Variants in KCNIP4 observed in about 807,000 individuals in gnomAD.
The protein encoded by KCNIP4 is Kv channel-interacting protein 4.
A neutral mutation model predicts 34.0 loss-of-function variants in KCNIP4; 12 were observed. The observed-to-expected ratio is 0.35, with a 90% confidence interval of 0.23 to 0.57. The LOEUF is 0.57. KCNIP4 is among the 20% of genes least tolerant of loss of function. KCNIP4 has a pLI of 0.83. For missense variants in KCNIP4, 238 were observed against 311.7 expected (o/e 0.76, Z 1.78); for synonymous variants, 124 against 102.2 (o/e 1.21, Z -1.29).
intron 1 of KCNIP4, among the ~76,000 whole-genome samples, chr4:20,996,670 T>C (rs888408438): frequency 2.0e-5 from 3 of 152,202 alleles, no homozygotes; most frequent in Non-Finnish European, 4.4e-5. Flanking sequence ...TCAGAAGGAT[T>C]CTGTGTTTTT....
At chr4:21,329,563 A>C (rs1715417027) in intron 1 of KCNIP4, among the ~76,000 whole-genome samples, 1 of 152,140 alleles carries the variant, frequency 6.6e-6, no homozygotes, top group African/African-American at 2.4e-5. Context: ...CAGTTCCAAA[A>C]CATCATCAGC....
intron 1 of KCNIP4, among the ~76,000 whole-genome samples, chr4:21,767,100 G>C (rs1718468977): frequency 6.6e-6 from 1 of 152,120 alleles, no homozygotes; most frequent in African/African-American, 2.4e-5. Context: ...GAAGAGGTGA[G>C]GAAGAGAACT....
chr4:21,318,451 C>T (rs1714021861), intron 1 of KCNIP4, among the ~76,000 whole-genome samples: 1 of 152,120 alleles, frequency 6.6e-6, no homozygotes. Context: ...GAAAAGGTAT[C>T]ATAGATTCAC....
At chr4:21,019,971 T>G (rs942703258) in intron 1 of KCNIP4, among the ~76,000 whole-genome samples, 5 of 152,154 alleles carry the variant, frequency 3.3e-5, no homozygotes, top group African/African-American at 1.2e-4. Flanking sequence ...GTTCAGAAAT[T>G]GATAGTTAAG....
intron 1 of KCNIP4, among the ~76,000 whole-genome samples, chr4:21,599,461 G>GA (rs1742921200): frequency 1.3e-5 from 1 of 79,044 alleles, no homozygotes; most frequent in Non-Finnish European, 2.4e-5. Context: ...AAATAAGAAA[G>GA]AAAAAAATGA....
At chr4:20,801,600 C>G (rs980153757) in intron 3 of KCNIP4, among the ~76,000 whole-genome samples, 2 of 152,004 alleles carry the variant, frequency 1.3e-5, no homozygotes, top group Admixed American at 1.3e-4. Context: ...AGAAGTTAAG[C>G]TGTTATCAGC....
At chr4:21,168,155 T>C (rs923915726) in intron 1 of KCNIP4, among the ~76,000 whole-genome samples, 3 of 152,206 alleles carry the variant, frequency 2.0e-5, no homozygotes, top group Admixed American at 6.5e-5. Flanking sequence ...AAAGAACAAC[T>C]GGAGAGAAAG....
chr4:21,765,664 T>C (rs1297188609), intron 1 of KCNIP4, among the ~76,000 whole-genome samples: 2 of 150,954 alleles, frequency 1.3e-5, no homozygotes, highest in East Asian at 3.9e-4. Context: ...ATGGGTCTTG[T>C]TTTATTGCTC....
At chr4:21,149,193 T>G (rs1281400807) in intron 1 of KCNIP4, among the ~76,000 whole-genome samples, 3 of 152,220 alleles carry the variant, frequency 2.0e-5, no homozygotes, top group African/African-American at 4.8e-5. Context: ...TTTATAGTTT[T>G]GGGATAAACA....
intron 3 of KCNIP4, among the ~76,000 whole-genome samples, chr4:20,804,623 C>A (rs1714826960): frequency 1.3e-5 from 2 of 152,014 alleles, no homozygotes; most frequent in African/African-American, 2.4e-5. Context: ...ACATTTCTTG[C>A]CCTTAAGAAA....
intron 1 of KCNIP4, among the ~76,000 whole-genome samples, chr4:21,818,579 G>T (rs12513218): frequency 0.38 from 58,078 of 152,042 alleles, 12,650 homozygotes; most frequent in Non-Finnish European, 0.51. Context: ...AGTCACCCTA[G>T]CCAGATTTTA....
intron 1 of KCNIP4, among the ~76,000 whole-genome samples, chr4:21,642,798 C>T (rs1366744075): frequency 2.0e-5 from 3 of 152,094 alleles, no homozygotes; most frequent in African/African-American, 7.2e-5. Flanking sequence ...ATAATTGATA[C>T]TGACTACCAA....
intron 1 of KCNIP4, among the ~76,000 whole-genome samples, chr4:21,618,581 ACT>A (rs1391289590): frequency 4.2e-5 from 4 of 95,062 alleles, no homozygotes; most frequent in Non-Finnish European, 4.6e-5. Flanking sequence ...TCTCTCTCTC[ACT>A]CTCTGTTTGT....
chr4:21,516,138 C>A (rs1184198812), intron 1 of KCNIP4, among the ~76,000 whole-genome samples: 2 of 152,150 alleles, frequency 1.3e-5, no homozygotes, highest in Non-Finnish European at 2.9e-5. Flanking sequence ...TAACCTTGAG[C>A]AAAGTGCTAT....
intron 1 of KCNIP4, among the ~76,000 whole-genome samples, chr4:21,692,057 T>G (rs1711718923): frequency 6.6e-6 from 1 of 152,132 alleles, no homozygotes; most frequent in Non-Finnish European, 1.5e-5. Context: ...AACATGTTGA[T>G]TAATTTAGCC....
At chr4:21,617,460 TAA>T (rs2109165053) in intron 1 of KCNIP4, among the ~76,000 whole-genome samples, 1 of 152,332 alleles carries the variant, frequency 6.6e-6, no homozygotes, top group African/African-American at 2.4e-5. Flanking sequence ...CGTTTTCCTT[TAA>T]TTTCCCTAAT....
chr4:21,026,485 C>T (rs1436870956), intron 1 of KCNIP4, among the ~76,000 whole-genome samples: 1 of 151,982 alleles, frequency 6.6e-6, no homozygotes, highest in Non-Finnish European at 1.5e-5. Flanking sequence ...GAAACCCCTT[C>T]TCAACAAAAA....
chr4:21,139,310 G>C (rs531458693), intron 1 of KCNIP4, among the ~76,000 whole-genome samples: 3 of 152,154 alleles, frequency 2.0e-5, no homozygotes, highest in African/African-American at 7.2e-5. Flanking sequence ...AAATAGAAAC[G>C]TAAACAAAAG....
intron 1 of KCNIP4, among the ~76,000 whole-genome samples, chr4:21,270,560 T>C (rs1376873956): frequency 6.6e-6 from 1 of 152,238 alleles, no homozygotes; most frequent in Non-Finnish European, 1.5e-5. Context: ...CACATGATAA[T>C]TATGTATGAA....
Sources: gnomAD v4.1 joint callset for allele counts (sites outside exome capture counted in the v4.1 genomes callset) on GRCh38, gnomAD v4.1.1 for gene constraint, MANE v1.5 for transcripts, NCBI Gene and HGNC (gene_info 2026-07-23, HGNC 2026-07-21) for gene names.